The following DNAH11 variants were observed in gnomAD, a reference collection of about 807,000 sequenced individuals.
DNAH11 encodes the protein axonemal beta dynein heavy chain 11.
DNAH11 carries 442 observed loss-of-function variants against 526.0 expected under a neutral mutation model. The observed-to-expected ratio is 0.84, with a 90% CI of 0.78 to 0.91. The LOEUF is 0.91. Among genes scored for constraint, DNAH11 ranks in the 40% least tolerant of loss-of-function variants. The pLI, the probability that DNAH11 is intolerant of heterozygous loss-of-function variation, is 0.00. For synonymous variants in DNAH11, 2,461 were observed against 1,935.9 expected, an observed-to-expected ratio of 1.27 and a Z score of -7.12; for missense variants, 6,989 against 5,448.7, an observed-to-expected ratio of 1.28 and a Z score of -8.90.
Position 21,792,680 on chromosome 7 carries a change from T to C in DNAH11, c.10026+3338T>C, listed in dbSNP as rs540477328. ...TTATAGGTTTTCCAATATGTTGGCA[T>C]ATACATGTTCATAGTAGTTTCTAAT... On this transcript the variant is annotated intron_variant, in intron 61 of 81. Transcript: ENST00000409508. Among the ~76,000 whole-genome samples, 40 of 152,292 alleles carry C rather than the reference T, an allele frequency of 2.6e-4. No individual in the cohort carries two copies. The South Asian group carries it at 6.4e-3, about 24-fold the overall frequency.
chr7:21,606,759 G>A (rs756062034), intron 20 of DNAH11, 26 bp downstream of exon 20: 2 of 1,560,894 alleles, frequency 1.3e-6, no homozygotes, highest in Non-Finnish European at 1.7e-6. Context: ...AATATCCTGT[G>A]TGCATTAAAA....
At chr7:21,734,721 G>A (rs1236584246) in intron 45 of DNAH11, among the ~76,000 whole-genome samples, 1 of 152,136 alleles carries the variant, frequency 6.6e-6, no homozygotes, top group African/African-American at 2.4e-5. Flanking sequence ...AGCTGGGCAT[G>A]GTGGTGCATG....
At chr7:21,720,890 C>T in intron 44 of DNAH11, 34 bp downstream of exon 44, 1 of 1,602,672 alleles carries the variant, frequency 6.2e-7, no homozygotes, top group Non-Finnish European at 8.5e-7. Context: ...GACCAGTTTC[C>T]AGTTTTGTGT....
At chr7:21,775,409 G>T (rs1336115852) in intron 56 of DNAH11, among the ~76,000 whole-genome samples, 1 of 152,024 alleles carries the variant, frequency 6.6e-6, no homozygotes, top group Non-Finnish European at 1.5e-5. Flanking sequence ...TTGAGTCCAG[G>T]AGTTTGAGAC....
chr7:21,753,199 G>A (rs975263783), intron 54 of DNAH11, among the ~76,000 whole-genome samples: 3 of 152,056 alleles, frequency 2.0e-5, no homozygotes, highest in African/African-American at 7.2e-5. Flanking sequence ...TCACAGGTGG[G>A]TGCAGTATGT....
intron 66 of DNAH11, among the ~76,000 whole-genome samples, chr7:21,850,010 G>A (rs60740148): frequency 0.096 from 14,031 of 146,100 alleles, 1,897 homozygotes; most frequent in African/African-American, 0.29. Context: ...AATGACATAT[G>A]TCTAAGCATA....
At chr7:21,630,835 C>A (rs1786568985) in intron 25 of DNAH11, among the ~76,000 whole-genome samples, 1 of 152,076 alleles carries the variant, frequency 6.6e-6, no homozygotes, top group South Asian at 2.1e-4. Flanking sequence ...TGTTCTCTGA[C>A]CTTTTTGTAC....
At chr7:21,693,438 T>C (rs1229008499) in intron 35 of DNAH11, among the ~76,000 whole-genome samples, 1 of 152,216 alleles carries the variant, frequency 6.6e-6, no homozygotes, top group Non-Finnish European at 1.5e-5. Flanking sequence ...ACTGTCCTTG[T>C]AAAATTTTTG....
chr7:21,845,856 C>G (rs566885819), intron 66 of DNAH11, among the ~76,000 whole-genome samples: 1 of 152,130 alleles, frequency 6.6e-6, no homozygotes, highest in African/African-American at 2.4e-5. Context: ...AATATTGAGA[C>G]TTCCTATTCA....
intron 20 of DNAH11, among the ~76,000 whole-genome samples, chr7:21,613,543 CTTCTT>C (rs1785629261): frequency 6.6e-6 from 1 of 152,236 alleles, no homozygotes; most frequent in South Asian, 2.1e-4. Flanking sequence ...TGCTAATACT[CTTCTT>C]TACATAGTAG....
chr7:21,885,169 T>TGTAAAAAAAAAAAAAAAAAAAAAA (rs367811733), intron 76 of DNAH11, among the ~76,000 whole-genome samples: 2 of 89,384 alleles, frequency 2.2e-5, no homozygotes, highest in Non-Finnish European at 4.7e-5. Flanking sequence ...CCAAATGAAC[T>TGTAAAAAAAAAAAAAAAAAAAAAA]ATAAAAAAAA....
At chr7:21,888,226 C>A (rs1413944995) in intron 76 of DNAH11, among the ~76,000 whole-genome samples, 1 of 152,160 alleles carries the variant, frequency 6.6e-6, no homozygotes, top group African/African-American at 2.4e-5. Flanking sequence ...AAATCCCTAA[C>A]AGCACTTTGG....
intron 69 of DNAH11, among the ~76,000 whole-genome samples, chr7:21,864,147 A>G (rs1783177491): frequency 6.6e-6 from 1 of 152,208 alleles, no homozygotes; most frequent in African/African-American, 2.4e-5. Context: ...AGAATTAACT[A>G]ATAATACTGG....
At chr7:21,760,927 C>T (rs1786871477) in intron 54 of DNAH11, among the ~76,000 whole-genome samples, 1 of 152,128 alleles carries the variant, frequency 6.6e-6, no homozygotes, top group Non-Finnish European at 1.5e-5. Context: ...CAATATAACA[C>T]CCTTTTAAAA....
At chr7:21,773,177 C>A (rs2127978764) in intron 55 of DNAH11, among the ~76,000 whole-genome samples, 1 of 152,228 alleles carries the variant, frequency 6.6e-6, no homozygotes, top group African/African-American at 2.4e-5. Flanking sequence ...GGGGGTCTTC[C>A]AGTAACTCAT....
chr7:21,880,262 G>A (rs1378995991), intron 74 of DNAH11, among the ~76,000 whole-genome samples: 1 of 152,150 alleles, frequency 6.6e-6, no homozygotes, highest in Non-Finnish European at 1.5e-5. Context: ...ACAGTCAAGG[G>A]TGTCCATGTG....
rs562534503 is a variant in DNAH11, at chr7:21,892,484, A to G, written c.12567A>G (p.Ala4189=). The change falls in exon 77 of 82, where the codon GCA becomes GCG. Residue 4189 remains alanine (A), a synonymous_variant. Coordinates refer to ENST00000409508, the MANE Select transcript of DNAH11 (RefSeq NM_001277115.2). ...GFAAPPYLDY[A]GYHQYIEEML... ...CTGCCCCACCCTACCTAGATTATGC[A>G]GGCTACCACCAGTACATAGAGGAGA... 90 of 1,613,892 alleles carry G rather than the reference A, an allele frequency of 5.6e-5. 1 individual carries two copies. In the South Asian group the frequency reaches 8.1e-4, roughly 15 times the overall value.
chr7:21,635,018 C>A (rs1429460513), intron 25 of DNAH11, among the ~76,000 whole-genome samples: 14 of 151,998 alleles, frequency 9.2e-5, no homozygotes, highest in African/African-American at 2.9e-4. Context: ...AATAAAACTG[C>A]AACCAATACT....
chr7:21,658,967 G>C lies in DNAH11; in HGVS notation c.5264G>C (p.Gly1755Ala), dbSNP rs758509273. The C allele has an allele frequency of 8.7e-6, 14 of 1,610,502 alleles. No homozygotes were observed. The East Asian group carries it at 3.1e-4, about 36-fold the overall frequency. Reference protein sequence around the residue: ...SSQIWWTTDVGIAFSRLEEGY... With the variant: ...SSQIWWTTDVAIAFSRLEEGY... ...CAAATATGGTGGACCACAGATGTAG[G>C]AATAGCCTTCAGTAGACTGGAAGAA... is the stretch of plus-strand genomic sequence containing the variant. Residue 1755 changes from glycine to alanine, a missense_variant, in exon 30 of 82, where the codon GGA (glycine) becomes GCA (alanine). Transcript: ENST00000409508.
Sources: gnomAD v4.1 joint callset for allele counts (sites outside exome capture counted in the v4.1 genomes callset) on GRCh38, gnomAD v4.1.1 for gene constraint, MANE v1.5 for transcripts, NCBI Gene and HGNC (gene_info 2026-07-23, HGNC 2026-07-21) for gene names.